The following AEBP2 variants were observed in gnomAD, a reference collection of about 807,000 sequenced individuals.
AEBP2 encodes AE binding protein 2, also known as zinc finger protein AEBP2.
AEBP2 carries 10 observed loss-of-function variants against 50.8 expected under a neutral mutation model. The observed-to-expected ratio is 0.20, with a 90% CI of 0.12 to 0.33. The LOEUF is 0.33. AEBP2 is among the 10% of genes least tolerant of loss of function. AEBP2 has a pLI of 1.00. For synonymous variants in AEBP2, 296 were observed against 261.3 expected, an observed-to-expected ratio of 1.13 and a Z score of -1.28; for missense variants, 570 against 688.0, an observed-to-expected ratio of 0.83 and a Z score of 1.92.
intron 2 of AEBP2, among the ~76,000 whole-genome samples, chr12:19,468,629 CCATT>C (rs1948523628): frequency 6.6e-6 from 1 of 152,126 alleles, no homozygotes; most frequent in Non-Finnish European, 1.5e-5. Flanking sequence ...TAAGTATAGG[CCATT>C]CAAATACATT....
rs1591719389 is a variant in AEBP2, at chr12:19,522,061, A to C, written c.*3944A>C. Reference sequence around the variant, plus strand: ...TCTAAAAAAGGAGTTAAATCGTGTCACCTGAATTTTTTTTTTTTGAGATAA... The same window carrying C: ...TCTAAAAAAGGAGTTAAATCGTGTCCCCTGAATTTTTTTTTTTTGAGATAA... On this transcript the variant is annotated 3_prime_UTR_variant, in exon 8 of 8. Transcript: ENST00000266508. The C allele has an allele frequency of 6.6e-6, 1 of 151,196 alleles. No homozygotes were observed. Among genetic ancestry groups the C allele is most frequent in the Non-Finnish European group, 1.5e-5 (1 of 67,770 alleles). The allele number at this position is 151,196 out of a possible 1,614,324, so 9.4% of individuals were successfully genotyped here.
chr12:19,479,140 C>G (rs10841238), intron 3 of AEBP2, among the ~76,000 whole-genome samples: 65,497 of 151,896 alleles, frequency 0.43, 15,147 homozygotes, highest in Non-Finnish European at 0.54. Flanking sequence ...GCCTGGGAGG[C>G]AGAGATTGCC....
intron 7 of AEBP2, among the ~76,000 whole-genome samples, chr12:19,517,784 G>A (rs1949341613): frequency 6.6e-6 from 1 of 152,186 alleles, no homozygotes; most frequent in Non-Finnish European, 1.5e-5. Flanking sequence ...AAGATTACAG[G>A]CATGAGCCTC....
intron 2 of AEBP2, among the ~76,000 whole-genome samples, chr12:19,470,242 C>G (rs865802638): frequency 1.3e-5 from 2 of 151,746 alleles, no homozygotes; most frequent in Non-Finnish European, 2.9e-5. Flanking sequence ...ACTGGAACCT[C>G]CCCCTCCCAG....
At chr12:19,502,929 G>A (rs1290464126) in intron 5 of AEBP2, among the ~76,000 whole-genome samples, 2 of 152,100 alleles carry the variant, frequency 1.3e-5, no homozygotes, top group East Asian at 1.9e-4. Flanking sequence ...ATTAATAGGC[G>A]CGAGCCACCA....
chr12:19,455,584 T>TA (rs1467342360), intron 1 of AEBP2, among the ~76,000 whole-genome samples: 1 of 152,170 alleles, frequency 6.6e-6, no homozygotes, highest in Non-Finnish European at 1.5e-5. Context: ...ACCAAGCAGA[T>TA]ACTTGCCTAG....
At chr12:19,508,252 G>T (rs982158836) in intron 5 of AEBP2, among the ~76,000 whole-genome samples, 1 of 152,096 alleles carries the variant, frequency 6.6e-6, no homozygotes, top group African/African-American at 2.4e-5. Context: ...CTAGAAACGG[G>T]GATTCACCAT....
At chr12:19,447,461 C>T (rs1024644030) in intron 1 of AEBP2, among the ~76,000 whole-genome samples, 2 of 152,260 alleles carry the variant, frequency 1.3e-5, no homozygotes, top group Non-Finnish European at 2.9e-5. Flanking sequence ...GCTATGTAAA[C>T]GTTATTTCTG....
chr12:19,467,197 T>G (rs1383926289), intron 2 of AEBP2, among the ~76,000 whole-genome samples: 3 of 149,002 alleles, frequency 2.0e-5, no homozygotes, highest in South Asian at 4.3e-4. Flanking sequence ...TGAGCCACCA[T>G]GCCCAGACCA....
rs187971086 is a variant in AEBP2, at chr12:19,445,168, A to G, written c.671+4798A>G. On this transcript the variant is annotated intron_variant, in intron 1 of 7. Coordinates refer to ENST00000266508, the MANE Select transcript of AEBP2 (RefSeq NM_153207.5). The stretch of plus-strand genomic sequence containing the variant: ...GTTTACTGTGTGATGGGTATATTCT[A>G]CAGATGTATATAGAATCCATGTTAT... Among the ~76,000 whole-genome samples, 4 of 151,718 alleles carry G rather than the reference A, an allele frequency of 2.6e-5. No individual in the cohort carries two copies. The East Asian group carries it at 7.8e-4, about 30-fold the overall frequency.
rs1949384509 is a variant in AEBP2 at position 19,520,724 on chromosome 12, G to C, written c.*2607G>C. ...TTGTCTATGCCTGCTTTCTCCTGCA[G>C]TGGCAGAATTGAGTGGTGAGACCTT... On this transcript the variant is annotated 3_prime_UTR_variant, in exon 8 of 8. Transcript: ENST00000266508. The C allele has an allele frequency of 6.6e-6, 1 of 152,148 alleles. No individual in the cohort carries two copies. The highest frequency in any genetic ancestry group is 1.5e-5 in the Non-Finnish European group (1 of 68,028). 9.4% of individuals were successfully genotyped at this position (152,148 alleles called of 1,614,324 possible).
chr12:19,417,879 G>A (rs1344774529), intron 1 of AEBP2, among the ~76,000 whole-genome samples: 2 of 151,308 alleles, frequency 1.3e-5, no homozygotes, highest in Admixed American at 6.6e-5. Flanking sequence ...TATTTTTTGT[G>A]TTTTTAGTAG....
chr12:19,407,259 C>G (rs2095736786), intron 1 of AEBP2, among the ~76,000 whole-genome samples: 1 of 152,144 alleles, frequency 6.6e-6, no homozygotes, highest in Admixed American at 6.6e-5. Context: ...GCTATTGGTA[C>G]CGCTGCACTT....
chr12:19,493,221 G>C (rs1755194722), intron 3 of AEBP2, among the ~76,000 whole-genome samples: 1 of 152,080 alleles, frequency 6.6e-6, no homozygotes, highest in Admixed American at 6.6e-5. Flanking sequence ...GGCCAATGTG[G>C]TGAAACCATA....
chr12:19,456,315 G>T, intron 1 of AEBP2: 2 of 1,468,454 alleles, frequency 1.4e-6, no homozygotes, highest in Non-Finnish European at 9.4e-7. Flanking sequence ...CTTGTTCACT[G>T]CTTTGATGAC....
chr12:19,493,036 A>T (rs1164053769), intron 3 of AEBP2, among the ~76,000 whole-genome samples: 1 of 152,112 alleles, frequency 6.6e-6, no homozygotes. Flanking sequence ...CTTTTCTCTC[A>T]CCTGTTTTAA....
intron 2 of AEBP2, among the ~76,000 whole-genome samples, 183 bp from the exon 3 acceptor site, chr12:19,473,065 A>G (rs1948594118): frequency 6.6e-6 from 1 of 152,106 alleles, no homozygotes; most frequent in Non-Finnish European, 1.5e-5. Flanking sequence ...GGACAGTAGC[A>G]TTAAGGGTGG....
In AEBP2 at chr12:19,439,611, T is replaced by G; in HGVS notation, c.-89T>G. ...CTCTGCAGCGGCGTCGGCGGAGTTT[T>G]GGGCGTTTGGGAGGGGGGCGAGGGA... is the stretch of plus-strand genomic sequence containing the variant. On this transcript the variant is annotated 5_prime_UTR_variant, in exon 1 of 8. Coordinates refer to ENST00000266508, the MANE Select transcript of AEBP2 (RefSeq NM_153207.5). 2 of 1,453,760 alleles carry G rather than the reference T, an allele frequency of 1.4e-6. No homozygotes were observed. Among genetic ancestry groups the G allele is most frequent in the Non-Finnish European group, 1.8e-6 (2 of 1,100,454 alleles). The allele number at this position is 1,453,760 out of a possible 1,614,324, so 90.1% of individuals were successfully genotyped here.
chr12:19,411,455 G>A (rs1176516169), intron 1 of AEBP2, among the ~76,000 whole-genome samples: 2 of 152,144 alleles, frequency 1.3e-5, no homozygotes, highest in Non-Finnish European at 2.9e-5. Context: ...TTCCTCTTCT[G>A]TCTTTGGTTC....
Sources: allele counts gnomAD v4.1 joint callset (sites outside exome capture counted in the v4.1 genomes callset), GRCh38; gene constraint gnomAD v4.1.1; transcripts MANE v1.5; gene names NCBI Gene and HGNC (gene_info 2026-07-23, HGNC 2026-07-21).